CADPS: variants seen among roughly 807,000 people sequenced by gnomAD.
CADPS encodes calcium-dependent secretion activator 1.
Under a neutral mutation model 167.3 loss-of-function variants are expected in CADPS, and 57 were observed. That is an observed-to-expected ratio of 0.34 (90% CI 0.28 to 0.42). The LOEUF (loss-of-function observed/expected upper bound fraction) is 0.42. Among genes scored for constraint, CADPS ranks in the 20% least tolerant of loss-of-function variants. CADPS has a pLI of 1.00. For synonymous variants in CADPS, 676 were observed against 635.3 expected (o/e 1.06, Z -0.96); for missense variants, 1,414 against 1,738.1 (o/e 0.81, Z 3.32).
chr3:62,791,241 G>C (rs1418118289), intron 1 of CADPS, among the ~76,000 whole-genome samples: 1 of 152,166 alleles, frequency 6.6e-6, no homozygotes, highest in Non-Finnish European at 1.5e-5. Context: ...CTCTATATCT[G>C]CACTGTACAA....
chr3:62,852,230 G>A (rs1360254311), intron 1 of CADPS, among the ~76,000 whole-genome samples: 13 of 151,008 alleles, frequency 8.6e-5, no homozygotes, highest in East Asian at 3.9e-4. Flanking sequence ...ATGTCCTCCC[G>A]TAGCTCAGAG....
intron 10 of CADPS, among the ~76,000 whole-genome samples, chr3:62,551,680 C>T (rs1053426996): frequency 2.6e-5 from 4 of 152,154 alleles, no homozygotes; most frequent in Non-Finnish European, 5.9e-5. Flanking sequence ...TCTCTCTCTC[C>T]CTCTATGCAC....
intron 3 of CADPS, among the ~76,000 whole-genome samples, chr3:62,683,938 T>C (rs2077550278): frequency 6.6e-6 from 1 of 152,028 alleles, no homozygotes; most frequent in African/African-American, 2.4e-5. Context: ...GCTGTCAACA[T>C]GACTTCTCAC....
chr3:62,815,743 G>T (rs765928470), intron 1 of CADPS, among the ~76,000 whole-genome samples: 12 of 151,938 alleles, frequency 7.9e-5, no homozygotes, highest in Non-Finnish European at 1.6e-4. Flanking sequence ...TAAGTAAAAG[G>T]CATGTTTTTC....
At chr3:62,756,512 G>C (rs1049380316) in intron 2 of CADPS, among the ~76,000 whole-genome samples, 21 of 152,282 alleles carry the variant, frequency 1.4e-4, no homozygotes, top group Middle Eastern at 3.4e-3. Flanking sequence ...ACTGTACCAG[G>C]TGTCAGGAAT....
chr3:62,690,105 A>T (rs918982618), intron 3 of CADPS, among the ~76,000 whole-genome samples: 4 of 151,870 alleles, frequency 2.6e-5, no homozygotes, highest in African/African-American at 9.7e-5. Flanking sequence ...TGGGCAATCT[A>T]CATTTTTTTT....
intron 6 of CADPS, among the ~76,000 whole-genome samples, chr3:62,631,878 T>G (rs575856951): frequency 6.6e-5 from 10 of 152,210 alleles, no homozygotes; most frequent in African/African-American, 2.2e-4. Context: ...AAAACAAATA[T>G]AGCAAGTGAC....
chr3:62,432,735 G>C (rs561844901), intron 28 of CADPS, among the ~76,000 whole-genome samples: 1 of 152,254 alleles, frequency 6.6e-6, no homozygotes, highest in African/African-American at 2.4e-5. Flanking sequence ...TTATATAGAT[G>C]AATCAGCTGA....
chr3:62,766,968 C>T (rs1167085211), intron 1 of CADPS, among the ~76,000 whole-genome samples: 6 of 152,066 alleles, frequency 3.9e-5, no homozygotes, highest in Non-Finnish European at 8.8e-5. Flanking sequence ...AGCTAACTGC[C>T]TTATATGTGC....
At chr3:62,463,556 C>T (rs915255198) in intron 26 of CADPS, among the ~76,000 whole-genome samples, 1 of 152,188 alleles carries the variant, frequency 6.6e-6, no homozygotes, top group Non-Finnish European at 1.5e-5. Context: ...ATCTGCCTTC[C>T]AGTGCCAGGC....
chr3:62,858,872 T>C (rs1240536532), intron 1 of CADPS, among the ~76,000 whole-genome samples: 4 of 152,290 alleles, frequency 2.6e-5, no homozygotes, highest in South Asian at 2.1e-4. Flanking sequence ...AAAATTACTG[T>C]ATTCTAGATA....
chr3:62,642,632 G>A (rs1380230211), intron 6 of CADPS, among the ~76,000 whole-genome samples: 2 of 152,208 alleles, frequency 1.3e-5, no homozygotes, highest in Non-Finnish European at 2.9e-5. Flanking sequence ...GGCAAGCCAG[G>A]TGCAGTGGCC....
chr3:62,579,118 C>T (rs573181143), intron 8 of CADPS, among the ~76,000 whole-genome samples: 27 of 152,270 alleles, frequency 1.8e-4, no homozygotes, highest in African/African-American at 5.8e-4. Flanking sequence ...AAATTACTCC[C>T]GGTTGGTGGA....
chr3:62,582,615 A>G (rs2148523278), intron 8 of CADPS, among the ~76,000 whole-genome samples: 1 of 152,346 alleles, frequency 6.6e-6, no homozygotes, highest in African/African-American at 2.4e-5. Context: ...CCCTTAGGCA[A>G]CTAAGGTTGC....
At chr3:62,721,623 C>A (rs1173726271) in intron 3 of CADPS, among the ~76,000 whole-genome samples, 2 of 152,074 alleles carry the variant, frequency 1.3e-5, no homozygotes, top group East Asian at 3.8e-4. Context: ...TTTGACAGAT[C>A]TTTCCAACTT....
intron 1 of CADPS, among the ~76,000 whole-genome samples, chr3:62,805,488 C>T (rs1051382380): frequency 3.9e-5 from 6 of 152,152 alleles, no homozygotes; most frequent in African/African-American, 1.4e-4. Flanking sequence ...AACTACTATG[C>T]TATTACGTAG....
In CADPS at chr3:62,550,118, G is replaced by A; in HGVS notation, c.1754-3C>T. ...GAAGGCTCGGCCACCCTCCAAACCT[G>A]GAAGAAAAGGGAGTAACAACTTCTA... On this transcript the variant is annotated splice_polypyrimidine_tract_variant and splice_region_variant and intron_variant, in intron 10 of 29. Coordinates refer to ENST00000383710, the MANE Select transcript of CADPS (RefSeq NM_003716.4). The A allele has an allele frequency of 6.2e-7, 1 of 1,611,312 alleles. No homozygotes were observed.
intron 3 of CADPS, among the ~76,000 whole-genome samples, chr3:62,710,070 TTCTATGTTAATA>T (rs1220288320): frequency 2.6e-5 from 4 of 152,038 alleles, no homozygotes; most frequent in East Asian, 1.9e-4. Flanking sequence ...CCTGGCCAGG[TTCTATGTTAATA>T]TCTATGTTAA....
chr3:62,664,026 G>A (rs968505284), intron 3 of CADPS, among the ~76,000 whole-genome samples: 11 of 151,992 alleles, frequency 7.2e-5, no homozygotes, highest in Non-Finnish European at 1.3e-4. Flanking sequence ...TTTTTCCCCC[G>A]AGATGAGGTC....
Sources: allele counts gnomAD v4.1 joint callset (sites outside exome capture counted in the v4.1 genomes callset), GRCh38; gene constraint gnomAD v4.1.1; transcripts MANE v1.5; gene names NCBI Gene and HGNC (gene_info 2026-07-23, HGNC 2026-07-21).